Variants in AVEN observed in about 807,000 individuals in gnomAD.
AVEN encodes the protein apoptosis and caspase activation inhibitor, also known as cell death regulator Aven.
Under a neutral mutation model 38.1 loss-of-function variants are expected in AVEN, and 41 were observed. The ratio of observed to expected loss-of-function variants is 1.08; its 90% CI spans 0.84 to 1.40. The LOEUF is 1.40. AVEN is among the 40% of genes most tolerant of loss of function. The probability of loss-of-function intolerance (pLI) is 0.00; values close to 1 mark genes in which losing one functional copy is unlikely to be tolerated. For synonymous variants in AVEN, 206 were observed against 171.8 expected (o/e 1.20, Z -1.56); for missense variants, 605 against 438.8 (o/e 1.38, Z -3.38).
intron 2 of AVEN, among the ~76,000 whole-genome samples, chr15:33,993,138 A>G (rs893205240): frequency 6.6e-6 from 1 of 152,206 alleles, no homozygotes; most frequent in Non-Finnish European, 1.5e-5. Context: ...CATGAATTCA[A>G]TGATTTGACT....
intron 2 of AVEN, among the ~76,000 whole-genome samples, chr15:33,931,574 G>T (rs1478920461): frequency 1.3e-5 from 2 of 151,850 alleles, no homozygotes; most frequent in African/African-American, 4.8e-5. Flanking sequence ...GTTTCACTGT[G>T]TTAGCCAGGA....
chr15:34,017,489 T>TTTTG (rs1897976455), intron 1 of AVEN, among the ~76,000 whole-genome samples: 2 of 80,284 alleles, frequency 2.5e-5, no homozygotes, highest in South Asian at 8.6e-4. Context: ...TTTTTGTTTT[T>TTTTG]TTTTTTTTTT....
chr15:33,971,691 ATAACTT>A (rs1895645922), intron 2 of AVEN, among the ~76,000 whole-genome samples: 1 of 152,098 alleles, frequency 6.6e-6, no homozygotes, highest in Admixed American at 6.5e-5. Flanking sequence ...CTTCATTATT[ATAACTT>A]TAAGTTTTCA....
At chr15:33,948,578 G>C (rs927858627) in intron 2 of AVEN, among the ~76,000 whole-genome samples, 1 of 152,142 alleles carries the variant, frequency 6.6e-6, no homozygotes, top group East Asian at 1.9e-4. Flanking sequence ...AGACAAAGAA[G>C]TCATCACTGT....
At chr15:33,892,808 T>G (rs1892043571) in intron 2 of AVEN, among the ~76,000 whole-genome samples, 1 of 152,248 alleles carries the variant, frequency 6.6e-6, no homozygotes, top group East Asian at 1.9e-4. Flanking sequence ...ATAAATTACC[T>G]TGGGCAGTAT....
At chr15:33,871,705 G>T (rs114530233) in intron 3 of AVEN, among the ~76,000 whole-genome samples, 2 of 148,184 alleles carry the variant, frequency 1.3e-5, no homozygotes, top group Non-Finnish European at 3.0e-5. Flanking sequence ...CTCAGAAGAG[G>T]AAAGGGCTAT....
upstream of AVEN, among the ~76,000 whole-genome samples, chr15:34,043,246 C>CAA (rs59481537): frequency 5.3e-5 from 6 of 112,406 alleles, no homozygotes; most frequent in African/African-American, 1.6e-4. Flanking sequence ...GAATCCGTCT[C>CAA]AAAAAAAAAA....
intron 2 of AVEN, among the ~76,000 whole-genome samples, chr15:33,983,168 GTGTA>G (rs754084912): frequency 0.034 from 3,433 of 101,720 alleles, 84 homozygotes; most frequent in Non-Finnish European, 0.041. Flanking sequence ...GTATGTGTGT[GTGTA>G]TATATACACA....
intron 2 of AVEN, among the ~76,000 whole-genome samples, chr15:33,882,194 CA>C (rs1249189825): frequency 6.6e-6 from 1 of 152,102 alleles, no homozygotes; most frequent in Non-Finnish European, 1.5e-5. Context: ...GCTTAAAAAA[CA>C]ATAAAAATCC....
chr15:33,915,333 A>C (rs563285992), intron 2 of AVEN, among the ~76,000 whole-genome samples: 1 of 152,256 alleles, frequency 6.6e-6, no homozygotes, highest in South Asian at 2.1e-4. Flanking sequence ...GACAACCAAA[A>C]AACTGTTGCG....
At chr15:34,071,465 G>A (rs181710644) in intron 1 of AVEN, among the ~76,000 whole-genome samples, 93 of 152,092 alleles carry the variant, frequency 6.1e-4, no homozygotes, top group Admixed American at 5.2e-3. Flanking sequence ...TAGTAGAGAT[G>A]TGGTCTCTCT....
At chr15:34,021,403 A>T (rs1012345205) in intron 1 of AVEN, among the ~76,000 whole-genome samples, 19 of 151,730 alleles carry the variant, frequency 1.3e-4, no homozygotes, top group African/African-American at 4.1e-4. Context: ...CTCCTGCCTC[A>T]GCCTCCTGAG....
chr15:33,888,150 T>G (rs1233015556), intron 2 of AVEN, among the ~76,000 whole-genome samples: 1 of 152,214 alleles, frequency 6.6e-6, no homozygotes, highest in Non-Finnish European at 1.5e-5. Flanking sequence ...CCTTGATTAT[T>G]CATTTAACAA....
chr15:33,999,117 A>G (rs1897046838), intron 2 of AVEN, among the ~76,000 whole-genome samples: 2 of 152,182 alleles, frequency 1.3e-5, no homozygotes, highest in African/African-American at 4.8e-5. Flanking sequence ...TATGGATTAC[A>G]ACTTCCCTTG....
downstream of AVEN, chr15:33,857,786 C>G: frequency 1.2e-6 from 2 of 1,614,022 alleles, no homozygotes; most frequent in Non-Finnish European, 1.7e-6. Context: ...CCAGTTGGTT[C>G]TGACTGTCGG....
chr15:33,888,757 TG>T (rs1891812326), intron 2 of AVEN, among the ~76,000 whole-genome samples: 1 of 151,962 alleles, frequency 6.6e-6, no homozygotes, highest in Non-Finnish European at 1.5e-5. Context: ...TCTTTTTTTG[TG>T]TGTGTGTGTG....
chr15:34,009,358 T>TA (rs915167686), intron 1 of AVEN, among the ~76,000 whole-genome samples: 3 of 152,330 alleles, frequency 2.0e-5, no homozygotes, highest in South Asian at 2.1e-4. Context: ...TATGTAACTA[T>TA]AAAATATCAC....
intron 2 of AVEN, among the ~76,000 whole-genome samples, chr15:33,898,525 G>C (rs189581287): frequency 5.0e-4 from 76 of 152,228 alleles, no homozygotes; most frequent in Non-Finnish European, 9.7e-4. Context: ...CCAGTTTGTA[G>C]TTGCATCACT....
chr15:33,914,728 G>A (rs73379544), intron 2 of AVEN, among the ~76,000 whole-genome samples: 2,870 of 151,860 alleles, frequency 0.019, 93 homozygotes, highest in African/African-American at 0.065. Context: ...TGTGGGGATG[G>A]ACGAGAACTA....
Sources: gnomAD v4.1 joint callset for allele counts (sites outside exome capture counted in the v4.1 genomes callset) on GRCh38, gnomAD v4.1.1 for gene constraint, MANE v1.5 for transcripts, NCBI Gene and HGNC (gene_info 2026-07-23, HGNC 2026-07-21) for gene names.